The following TYR variants were observed in gnomAD, a reference collection of about 807,000 sequenced individuals.
TYR encodes tyrosinase, also known as LB24-AB.
Under a neutral mutation model 51.5 loss-of-function variants are expected in TYR, and 58 were observed. The ratio of observed to expected loss-of-function variants is 1.13; its 90% CI spans 0.91 to 1.40. The LOEUF is 1.40. TYR is among the 40% of genes most tolerant of loss of function. TYR has a pLI of 0.00. For missense variants in TYR, 732 were observed against 647.4 expected (o/e 1.13, Z -1.42); for synonymous variants, 263 against 235.2 (o/e 1.12, Z -1.08).
chr11:89,190,737 C>A (rs1409261925), intron 1 of TYR, among the ~76,000 whole-genome samples: 3 of 152,144 alleles, frequency 2.0e-5, no homozygotes, highest in African/African-American at 7.2e-5. Flanking sequence ...CCCAATGCAA[C>A]TTCTAGTCCT....
At chr11:89,293,720 T>C (rs970022727) in intron 4 of TYR, 1 of 166,344 alleles carries the variant, frequency 6.0e-6, no homozygotes, top group African/African-American at 2.4e-5. Flanking sequence ...GACCCAGATA[T>C]ATATATCACA....
intron 3 of TYR, among the ~76,000 whole-genome samples, chr11:89,235,633 AGTAGGAAATAGAATC>A (rs1782958875): frequency 6.6e-6 from 1 of 152,116 alleles, no homozygotes; most frequent in African/African-American, 2.4e-5. Context: ...AACTCGTAGG[AGTAGGAAATAGAATC>A]GTAGTATCAC....
intron 2 of TYR, among the ~76,000 whole-genome samples, chr11:89,194,040 C>T (rs935176617): frequency 6.6e-6 from 1 of 152,108 alleles, no homozygotes; most frequent in African/African-American, 2.4e-5. Flanking sequence ...ATGCTTTTAT[C>T]AAATCTACTG....
intron 3 of TYR, among the ~76,000 whole-genome samples, chr11:89,252,516 A>G (rs765781044): frequency 2.6e-5 from 4 of 151,782 alleles, no homozygotes; most frequent in African/African-American, 9.7e-5. Flanking sequence ...AGTATAGTAG[A>G]AAAACAAAAT....
chr11:89,222,091 A>C (rs1943919594), intron 2 of TYR, among the ~76,000 whole-genome samples: 1 of 152,234 alleles, frequency 6.6e-6, no homozygotes, highest in Non-Finnish European at 1.5e-5. Flanking sequence ...GTCAAGGCAT[A>C]AGTTTATAGT....
chr11:89,180,664 T>G (rs982348271), intron 1 of TYR, among the ~76,000 whole-genome samples: 2 of 151,824 alleles, frequency 1.3e-5, no homozygotes, highest in African/African-American at 4.8e-5. Flanking sequence ...GTTTCAAAAA[T>G]AAAATTAGAA....
rs61753184 is a variant in TYR at position 89,178,182 on chromosome 11, C to T, written c.229C>T (p.Arg77Trp). ...ATTTCCCTTCACAGGGGTGGATGAC[C>T]GGGAGTCGTGGCCTTCCGTCTTTTA... ...PQFPFTGVDD[R>W]ESWPSVFYNR... The change falls in exon 1 of 5, where the codon CGG becomes TGG. Residue 77 changes from arginine (R) to tryptophan (W), a missense_variant. Physicochemically the swap from Arg to Trp is moderately radical, Grantham distance 101 (BLOSUM62 -3). Transcript: ENST00000263321. 1.2e-4 allele frequency: 197 copies of T among 1,614,076 alleles called. No homozygotes were observed. Among genetic ancestry groups the T allele is most frequent in the Non-Finnish European group, 1.6e-4 (188 of 1,179,990 alleles).
chr11:89,180,712 A>C (rs941737954), intron 1 of TYR, among the ~76,000 whole-genome samples: 1 of 152,174 alleles, frequency 6.6e-6, no homozygotes, highest in African/African-American at 2.4e-5. Flanking sequence ...AGAAACAAGC[A>C]AACCACAGTT....
intron 2 of TYR, among the ~76,000 whole-genome samples, chr11:89,220,602 A>G (rs1351921766): frequency 6.6e-6 from 1 of 152,156 alleles, no homozygotes; most frequent in Non-Finnish European, 1.5e-5. Flanking sequence ...CAGAGTTACT[A>G]CGAAGATAGC....
intron 2 of TYR, among the ~76,000 whole-genome samples, chr11:89,214,963 A>T (rs1300739988): frequency 6.6e-6 from 1 of 152,154 alleles, no homozygotes; most frequent in Non-Finnish European, 1.5e-5. Flanking sequence ...AATGGTGCTA[A>T]TATTTGTAGC....
At chr11:89,188,855 G>C (rs1943408071) in intron 1 of TYR, among the ~76,000 whole-genome samples, 1 of 151,986 alleles carries the variant, frequency 6.6e-6, no homozygotes, top group African/African-American at 2.4e-5. Context: ...AGAGGCCAGT[G>C]AAGTTATAGA....
At chr11:89,190,783 A>G (rs933683746) in intron 1 of TYR, among the ~76,000 whole-genome samples, 1 of 152,078 alleles carries the variant, frequency 6.6e-6, no homozygotes, top group African/African-American at 2.4e-5. Context: ...CTGTATATAC[A>G]AGTATGCCAT....
chr11:89,209,637 T>C (rs1027727910), intron 2 of TYR, among the ~76,000 whole-genome samples: 3 of 152,152 alleles, frequency 2.0e-5, no homozygotes, highest in Non-Finnish European at 4.4e-5. Context: ...CGAGCTCCGA[T>C]AATGGACAGA....
intron 3 of TYR, among the ~76,000 whole-genome samples, chr11:89,234,976 A>C: frequency 6.9e-6 from 1 of 145,782 alleles, no homozygotes. Flanking sequence ...TCAATTTGTA[A>C]AAAAAAAAAA....
intron 3 of TYR, among the ~76,000 whole-genome samples, chr11:89,264,834 T>C (rs140708842): frequency 0.02 from 3,080 of 151,916 alleles, 123 homozygotes; most frequent in African/African-American, 0.071. Context: ...GTGTCTAATA[T>C]GTTATTTATA....
intron 3 of TYR, among the ~76,000 whole-genome samples, chr11:89,261,799 A>T (rs1227513772): frequency 1.3e-5 from 2 of 152,140 alleles, no homozygotes; most frequent in African/African-American, 4.8e-5. Context: ...TACATGTGAG[A>T]CCATAAAACA....
intron 3 of TYR, among the ~76,000 whole-genome samples, chr11:89,268,223 G>A (rs1447531915): frequency 6.6e-6 from 1 of 151,702 alleles, no homozygotes; most frequent in Non-Finnish European, 1.5e-5. Flanking sequence ...AATAATACCT[G>A]GCATACAGTG....
chr11:89,217,776 T>C (rs1217361143), intron 2 of TYR, among the ~76,000 whole-genome samples: 1 of 152,190 alleles, frequency 6.6e-6, no homozygotes, highest in African/African-American at 2.4e-5. Flanking sequence ...AAAGAATAGA[T>C]AATTTTCTCT....
At position 89,271,649 on chromosome 11, in the gene TYR, G is replaced by A. The variant is rs190794859; in HGVS notation, c.1185-13124G>A. ...TTTCTTAAAACAAGAAAAAAATAGA[G>A]TTTGCTACATTGATTGACTCTTCCT... On this transcript the variant is annotated intron_variant, in intron 3 of 4. Transcript: ENST00000263321. Among the ~76,000 whole-genome samples, 355 of 151,936 alleles carry A rather than the reference G, an allele frequency of 2.3e-3. 2 individuals are homozygous for A. Among genetic ancestry groups the A allele is most frequent in the South Asian group, 0.015 (72 of 4,822 alleles).
Sources: allele counts gnomAD v4.1 joint callset (sites outside exome capture counted in the v4.1 genomes callset), GRCh38; gene constraint gnomAD v4.1.1; transcripts MANE v1.5; gene names NCBI Gene and HGNC (gene_info 2026-07-23, HGNC 2026-07-21).